KCNK1: variants seen among roughly 807,000 people sequenced by gnomAD.
KCNK1 encodes potassium two pore domain channel subfamily K member 1.
KCNK1 carries 10 observed loss-of-function variants against 22.2 expected under a neutral mutation model. The observed-to-expected ratio is 0.45, with a 90% CI of 0.28 to 0.76. The LOEUF is 0.76. Ranked by LOEUF, KCNK1 falls within the 30% of genes least tolerant of loss-of-function variation. The probability of loss-of-function intolerance (pLI) is 0.14; values close to 1 mark genes in which losing one functional copy is unlikely to be tolerated. For missense variants in KCNK1, 378 were observed against 421.0 expected (o/e 0.90, Z 0.89); for synonymous variants, 200 against 186.4 (o/e 1.07, Z -0.60).
chr1:233,645,617 T>C (rs1461548061), intron 1 of KCNK1, among the ~76,000 whole-genome samples: 1 of 152,214 alleles, frequency 6.6e-6, no homozygotes, highest in Non-Finnish European at 1.5e-5. Flanking sequence ...TGATTTCAGA[T>C]TTTTGCCCTG....
chr1:233,618,396 T>TC (rs1231368636), intron 1 of KCNK1, among the ~76,000 whole-genome samples: 99 of 151,642 alleles, frequency 6.5e-4, no homozygotes, highest in African/African-American at 1.5e-3. Flanking sequence ...TTTTTTTTTT[T>TC]CCCCAAGGAT....
intron 1 of KCNK1, among the ~76,000 whole-genome samples, chr1:233,632,866 A>G (rs1401956965): frequency 2.6e-5 from 4 of 152,016 alleles, no homozygotes; most frequent in Non-Finnish European, 5.9e-5. Flanking sequence ...CTCAGGACTT[A>G]GTTTTTTGGG....
chr1:233,622,100 G>A (rs993716168), intron 1 of KCNK1, among the ~76,000 whole-genome samples: 6 of 152,200 alleles, frequency 3.9e-5, no homozygotes, highest in East Asian at 1.9e-4. Flanking sequence ...TGGGAACTCC[G>A]GTGCTTTGAG....
At chr1:233,618,539 C>G (rs139070804) in intron 1 of KCNK1, among the ~76,000 whole-genome samples, 2 of 152,188 alleles carry the variant, frequency 1.3e-5, no homozygotes, top group Non-Finnish European at 2.9e-5. Flanking sequence ...AAGTTTACTT[C>G]TTTATTCATT....
At chr1:233,632,220 G>A (rs1657810299) in intron 1 of KCNK1, among the ~76,000 whole-genome samples, 1 of 152,198 alleles carries the variant, frequency 6.6e-6, no homozygotes, top group Non-Finnish European at 1.5e-5. Flanking sequence ...TGCTGCTTAA[G>A]TTAATGATTT....
At chr1:233,618,735 A>T (rs114810750) in intron 1 of KCNK1, among the ~76,000 whole-genome samples, 4,410 of 152,068 alleles carry the variant, frequency 0.029, 200 homozygotes, top group African/African-American at 0.099. Flanking sequence ...AATGCAAAAA[A>T]TAGCTTGGTG....
intron 1 of KCNK1, chr1:233,630,003 T>C (rs1202962743): frequency 2.0e-5 from 3 of 152,146 alleles, no homozygotes; most frequent in African/African-American, 4.8e-5. Context: ...ACAACCCCAG[T>C]TCTGTGTCTC....
At chr1:233,624,267 A>G (rs1657646844) in intron 1 of KCNK1, 1 of 152,568 alleles carries the variant, frequency 6.6e-6, no homozygotes, top group South Asian at 2.1e-4. Context: ...GCCCTATCCC[A>G]GGAAAGTGTG....
intron 1 of KCNK1, among the ~76,000 whole-genome samples, chr1:233,617,817 G>T (rs576718770): frequency 7.0e-4 from 107 of 152,316 alleles, no homozygotes; most frequent in Non-Finnish European, 1.4e-3. Context: ...GCGTGTGCCT[G>T]TAGTCCCAGC....
chr1:233,637,892 G>C (rs10797476), intron 1 of KCNK1, among the ~76,000 whole-genome samples: 33,639 of 151,950 alleles, frequency 0.22, 4,092 homozygotes, highest in Middle Eastern at 0.29. Context: ...GGTTGTGGAG[G>C]GAGAGGGATA....
intron 1 of KCNK1, among the ~76,000 whole-genome samples, chr1:233,653,562 C>T (rs922536288): frequency 2.0e-5 from 3 of 152,076 alleles, no homozygotes; most frequent in East Asian, 1.9e-4. Context: ...GGTGGGTAGG[C>T]GTTATCTAAT....
At chr1:233,658,588 G>C (rs1050148278) in intron 1 of KCNK1, among the ~76,000 whole-genome samples, 1 of 152,134 alleles carries the variant, frequency 6.6e-6, no homozygotes, top group Non-Finnish European at 1.5e-5. Flanking sequence ...GTCACCTAAC[G>C]ACAGGGATAC....
At chr1:233,620,189 T>C (rs1277158096) in intron 1 of KCNK1, among the ~76,000 whole-genome samples, 2 of 152,252 alleles carry the variant, frequency 1.3e-5, no homozygotes, top group African/African-American at 4.8e-5. Context: ...CATTTATGAC[T>C]GCTTAGCGGC....
intron 1 of KCNK1, among the ~76,000 whole-genome samples, chr1:233,628,522 G>A (rs1162977281): frequency 1.3e-5 from 2 of 152,168 alleles, no homozygotes; most frequent in Non-Finnish European, 2.9e-5. Flanking sequence ...TACTTTGGGA[G>A]GCCGAGGTGG....
At chr1:233,637,196 A>G (rs1657914167) in intron 1 of KCNK1, 1 of 15,920 alleles carries the variant, frequency 6.3e-5, no homozygotes, top group East Asian at 1.2e-3. Flanking sequence ...ACTCTGTTTC[A>G]AAAAAAAAAA....
rs547218371 is a variant in KCNK1 at position 233,666,896 on chromosome 1, T to C, written c.657T>C (p.Cys219=). 1.2e-6 allele frequency: 2 copies of C among 1,614,148 alleles called. No homozygotes were observed. The highest frequency in any genetic ancestry group is 4.5e-5 in the East Asian group (2 of 44,874). The change falls in exon 2 of 3, where the codon TGT becomes TGC. Residue 219 remains cysteine (C), a synonymous_variant. Coordinates refer to ENST00000366621, the MANE Select transcript of KCNK1 (RefSeq NM_002245.4). The part of the protein sequence containing the change: ...DWNFLESFYF[C]FISLSTIGLG... ...ACTTCCTGGAATCCTTTTATTTTTG[T>C]TTTATTTCCCTGAGCACCATTGGCC...
chr1:233,666,797 C>T lies in KCNK1; in HGVS notation c.558C>T (p.Leu186=), dbSNP rs770511795. The T allele has an allele frequency of 6.2e-7, 1 of 1,614,200 alleles. No homozygotes were observed. Among genetic ancestry groups the T allele is most frequent in the East Asian group, 2.2e-5 (1 of 44,872 alleles). ...TGGTGGCCATCGTCCATGCCGTGCT[C>T]CTTGGGTTTGTCACTGTGTCCTGCT... The part of the protein sequence containing the change: ...KQVVAIVHAV[L]LGFVTVSCFF... The change falls in exon 2 of 3, where the codon CTC becomes CTT. Residue 186 remains leucine, a synonymous_variant. Coordinates refer to ENST00000366621, the MANE Select transcript of KCNK1 (RefSeq NM_002245.4).
intron 1 of KCNK1, among the ~76,000 whole-genome samples, chr1:233,628,041 G>A (rs992870930): frequency 2.0e-5 from 3 of 152,150 alleles, no homozygotes; most frequent in Non-Finnish European, 4.4e-5. Flanking sequence ...CAGATGTCTG[G>A]GCTGTGTCTC....
At chr1:233,642,312 A>G (rs928383194) in intron 1 of KCNK1, among the ~76,000 whole-genome samples, 4 of 152,160 alleles carry the variant, frequency 2.6e-5, no homozygotes, top group Admixed American at 6.5e-5. Context: ...TTCCACTTCT[A>G]TCTCATCAGC....
Sources: gnomAD v4.1 joint callset for allele counts (sites outside exome capture counted in the v4.1 genomes callset) on GRCh38, gnomAD v4.1.1 for gene constraint, MANE v1.5 for transcripts, NCBI Gene and HGNC (gene_info 2026-07-23, HGNC 2026-07-21) for gene names.